Variants in MCUR1 observed in about 807,000 individuals in gnomAD.
The protein encoded by MCUR1 is mitochondrial calcium uniporter regulator 1.
A neutral mutation model predicts 42.0 loss-of-function variants in MCUR1; 37 were observed. That is an observed-to-expected ratio of 0.88 (90% CI 0.68 to 1.16). MCUR1 has a LOEUF of 1.16. Ranked by LOEUF, MCUR1 falls within the 50% of genes most tolerant of loss-of-function variation. MCUR1 has a pLI of 0.00. For missense variants in MCUR1, 469 were observed against 468.4 expected (o/e 1.00, Z -0.01); for synonymous variants, 229 against 196.2 (o/e 1.17, Z -1.40).
chr6:13,790,450 A>G lies in MCUR1; in HGVS notation c.*359T>C, dbSNP rs1402850965. The G allele has an allele frequency of 6.4e-6, 1 of 155,340 alleles. No homozygotes were observed. Among genetic ancestry groups the G allele is most frequent in the African/African-American group, 2.4e-5 (1 of 41,452 alleles). 9.6% of individuals were successfully genotyped at this position (155,340 alleles called of 1,614,324 possible). On this transcript the variant is annotated 3_prime_UTR_variant, in exon 9 of 9. Coordinates refer to ENST00000379170, the MANE Select transcript of MCUR1 (RefSeq NM_001031713.4). The stretch of plus-strand genomic sequence containing the variant: ...TGTAACAAGAAAACAAAAGGACAAC[A>G]ATCTGGTATTCCGGTTTTTTTTTTT...
chr6:13,798,976 C>G (rs1759924341), intron 5 of MCUR1, 72 bp from the exon 6 acceptor site: 1 of 867,260 alleles, frequency 1.2e-6, no homozygotes, highest in Non-Finnish European at 1.9e-6. Context: ...GGACGTGACA[C>G]TGGGACCACT....
At chr6:13,792,846 G>A (rs1197235709) in intron 7 of MCUR1, among the ~76,000 whole-genome samples, 1 of 152,000 alleles carries the variant, frequency 6.6e-6, no homozygotes, top group Non-Finnish European at 1.5e-5. Flanking sequence ...AGCCTCTTGG[G>A]GGTTTCAGAG....
chr6:13,793,430 C>T (rs1455397480), intron 7 of MCUR1, among the ~76,000 whole-genome samples: 1 of 152,108 alleles, frequency 6.6e-6, no homozygotes, highest in Non-Finnish European at 1.5e-5. Context: ...TACTAATCAG[C>T]CTTAAAAAGG....
intron 1 of MCUR1, among the ~76,000 whole-genome samples, chr6:13,808,753 C>A (rs1366298738): frequency 6.6e-6 from 1 of 152,112 alleles, no homozygotes; most frequent in African/African-American, 2.4e-5. Context: ...GTCCCAGCAC[C>A]ATTCCCTCCA....
At chr6:13,810,817 A>G (rs557121325) in intron 1 of MCUR1, among the ~76,000 whole-genome samples, 183 of 152,366 alleles carry the variant, frequency 1.2e-3, no homozygotes, top group Non-Finnish European at 1.9e-3. Flanking sequence ...ATAAAGTGCA[A>G]TGACTTATGT....
At chr6:13,805,984 G>A (rs1277866469) in intron 2 of MCUR1, among the ~76,000 whole-genome samples, 2 of 152,132 alleles carry the variant, frequency 1.3e-5, no homozygotes, top group African/African-American at 4.8e-5. Flanking sequence ...GGCTGGGCGC[G>A]GTGGCTCACT....
At chr6:13,806,747 C>A (rs1186515849) in intron 2 of MCUR1, among the ~76,000 whole-genome samples, 178 bp downstream of exon 2, 1 of 152,146 alleles carries the variant, frequency 6.6e-6, no homozygotes, top group Non-Finnish European at 1.5e-5. Flanking sequence ...CAAGACTGCG[C>A]CACTGCAATC....
chr6:13,791,330 G>C (rs553214880), intron 8 of MCUR1, among the ~76,000 whole-genome samples: 37 of 152,272 alleles, frequency 2.4e-4, no homozygotes, highest in Middle Eastern at 3.4e-3. Context: ...GAGACAGGAA[G>C]ACACAATTTA....
At chr6:13,798,978 G>A in intron 5 of MCUR1, 74 bp from the exon 6 acceptor site, 1 of 869,810 alleles carries the variant, frequency 1.1e-6, no homozygotes, top group Non-Finnish European at 1.9e-6. Context: ...ACGTGACACT[G>A]GGACCACTGC....
At chr6:13,810,178 A>G (rs1227877559) in intron 1 of MCUR1, among the ~76,000 whole-genome samples, 1 of 152,020 alleles carries the variant, frequency 6.6e-6, no homozygotes, top group Non-Finnish European at 1.5e-5. Context: ...ACTACAGCCT[A>G]GGTGACACAG....
chr6:13,809,904 G>A (rs551794660), intron 1 of MCUR1, among the ~76,000 whole-genome samples: 5 of 146,292 alleles, frequency 3.4e-5, no homozygotes, highest in South Asian at 2.2e-4. Context: ...ATCCTGTATC[G>A]AAAAAAAAAA....
chr6:13,810,323 G>T (rs902302177), intron 1 of MCUR1, among the ~76,000 whole-genome samples: 3 of 151,822 alleles, frequency 2.0e-5, no homozygotes, highest in Non-Finnish European at 4.4e-5. Context: ...TACTAAAAAA[G>T]ACATTATGAC....
At chr6:13,803,789 GT>G (rs1760045340) in intron 2 of MCUR1, 15 of 985,264 alleles carry the variant, frequency 1.5e-5, no homozygotes, top group Non-Finnish European at 1.8e-5. Flanking sequence ...TGTCTTCCTA[GT>G]TTTTAAAAAC....
At chr6:13,796,136 C>A (rs1759847131) in intron 6 of MCUR1, among the ~76,000 whole-genome samples, 1 of 152,002 alleles carries the variant, frequency 6.6e-6, no homozygotes, top group South Asian at 2.1e-4. Context: ...AAAATAAAAT[C>A]AGGGTAAGTA....
At chr6:13,807,469 C>T (rs1441964353) in intron 1 of MCUR1, among the ~76,000 whole-genome samples, 2 of 152,120 alleles carry the variant, frequency 1.3e-5, no homozygotes, top group South Asian at 2.1e-4. Flanking sequence ...AAGGGTCATC[C>T]GTGTTGTAGC....
chr6:13,802,825 CT>C (rs963805447), intron 2 of MCUR1, among the ~76,000 whole-genome samples: 1 of 151,692 alleles, frequency 6.6e-6, no homozygotes. Context: ...AAATAATTTC[CT>C]TAAATAGGAA....
At chr6:13,808,951 GT>G (rs548786555) in intron 1 of MCUR1, among the ~76,000 whole-genome samples, 5 of 152,120 alleles carry the variant, frequency 3.3e-5, no homozygotes, top group East Asian at 1.9e-4. Context: ...TGCTCTTGAC[GT>G]TTTTTTAAGA....
chr6:13,793,946 T>C lies in MCUR1; in HGVS notation c.857A>G (p.Tyr286Cys), dbSNP rs974859847. ...CAGCAGCTTCTTTTCGTTCAATGAA[T>C]ACTGAAATAAACACGTAACATGGGT... The part of the protein sequence containing the change: ...NLEKSRVKEL[Y>C]SLNEKKLLEL... The change falls in exon 7 of 9, where the codon TAT becomes TGT. Residue 286 changes from tyrosine to cysteine, a missense_variant and splice_region_variant. Physicochemically the swap from Tyr to Cys is radical, Grantham distance 194. Coordinates refer to ENST00000379170, the MANE Select transcript of MCUR1 (RefSeq NM_001031713.4). 6.8e-6 allele frequency: 11 copies of C among 1,613,412 alleles called. No homozygotes were observed. Among genetic ancestry groups the C allele is most frequent in the African/African-American group, 1.3e-5 (1 of 74,910 alleles).
At chr6:13,809,727 CAA>C (rs771632728) in intron 1 of MCUR1, among the ~76,000 whole-genome samples, 60 of 119,472 alleles carry the variant, frequency 5.0e-4, no homozygotes, top group Admixed American at 8.7e-4. Context: ...GACCTCCTCT[CAA>C]AAAAAAAAAA....
Sources: gnomAD v4.1 joint callset for allele counts (sites outside exome capture counted in the v4.1 genomes callset) on GRCh38, gnomAD v4.1.1 for gene constraint, MANE v1.5 for transcripts, NCBI Gene and HGNC (gene_info 2026-07-23, HGNC 2026-07-21) for gene names.